Variants in HEATR5B observed in about 807,000 individuals in gnomAD.
HEATR5B encodes the protein HEAT repeat-containing protein 5B.
Under a neutral mutation model 224.1 loss-of-function variants are expected in HEATR5B, and 156 were observed. The ratio of observed to expected loss-of-function variants is 0.70; its 90% confidence interval spans 0.61 to 0.80. HEATR5B has a LOEUF of 0.80. Among genes scored for constraint, HEATR5B ranks in the 30% least tolerant of loss-of-function variants. The pLI is 0.00. For synonymous variants in HEATR5B, 1,027 were observed against 893.0 expected (o/e 1.15, Z -2.68); for missense variants, 2,323 against 2,535.5 (o/e 0.92, Z 1.80).
intron 2 of HEATR5B, among the ~76,000 whole-genome samples, chr2:37,081,544 A>T (rs74427999): frequency 1.3e-5 from 2 of 152,124 alleles, no homozygotes; most frequent in Non-Finnish European, 2.9e-5. Flanking sequence ...CCCCTAAGAG[A>T]TCACGGTTTT....
chr2:37,055,782 AT>A (rs1294883999), intron 16 of HEATR5B, among the ~76,000 whole-genome samples: 1 of 152,218 alleles, frequency 6.6e-6, no homozygotes, highest in Non-Finnish European at 1.5e-5. Context: ...CTTTTAAGGC[AT>A]TTTAATTTTG....
At chr2:36,983,454 G>A (rs1399467173) in intron 35 of HEATR5B, among the ~76,000 whole-genome samples, 13 of 151,812 alleles carry the variant, frequency 8.6e-5, no homozygotes, top group Admixed American at 2.0e-4. Flanking sequence ...CAGGAGAATC[G>A]CTTGAATCTG....
At position 37,003,645 on chromosome 2, in the gene HEATR5B, T is replaced by G. The variant is rs138513431; in HGVS notation, c.4947A>C (p.Leu1649=). The stretch of plus-strand genomic sequence containing the variant: ...GGACAGATGATGGATTCCAGGTCAA[T>G]AGAAGGCGGTGCAAAACACTCAGCA... ...VELLSVLHRL[L]LTWNPSSVQL... is the part of the protein sequence containing the mutation. The change falls in exon 31 of 36, where the codon CTA becomes CTC. Residue 1649 remains leucine, a synonymous_variant. Transcript: ENST00000233099. The G allele has an allele frequency of 6.2e-7, 1 of 1,612,346 alleles. No homozygotes were observed. The highest frequency in any genetic ancestry group is 8.5e-7 in the Non-Finnish European group (1 of 1,178,960).
At chr2:37,054,383 G>A (rs1375045288) in intron 16 of HEATR5B, among the ~76,000 whole-genome samples, 3 of 150,558 alleles carry the variant, frequency 2.0e-5, no homozygotes, top group African/African-American at 7.3e-5. Flanking sequence ...GTTTCTCCAT[G>A]TTGGTCAGGC....
intron 4 of HEATR5B, 67 bp from the exon 5 acceptor site, chr2:37,075,701 A>C (rs1672186344): frequency 2.3e-5 from 29 of 1,286,640 alleles, no homozygotes; most frequent in Non-Finnish European, 2.9e-5. Flanking sequence ...GAACACACCA[A>C]GACAAAAGTT....
intron 33 of HEATR5B, among the ~76,000 whole-genome samples, chr2:36,995,338 T>A (rs2148350681): frequency 6.6e-6 from 1 of 152,008 alleles, no homozygotes; most frequent in African/African-American, 2.4e-5. Flanking sequence ...ATCTGCCCAC[T>A]TTGGCCTCCT....
intron 35 of HEATR5B, among the ~76,000 whole-genome samples, chr2:36,984,215 A>AAAAAAAAAAAAAAAAAAAAT: frequency 1.4e-4 from 11 of 77,636 alleles, no homozygotes; most frequent in African/African-American, 6.5e-4. Flanking sequence ...AAAAAAAAAA[A>AAAAAAAAAAAAAAAAAAAAT]ATATATATAT....
chr2:37,053,903 G>A lies in HEATR5B; in HGVS notation c.2400-296C>T, dbSNP rs573840567. ...ACAAAGCGCCTGGCATCTAGTAGACGCTCAAGGTTTCTTGCAAAGATAACA... is the reference window on the plus strand; with the variant it reads ...ACAAAGCGCCTGGCATCTAGTAGACACTCAAGGTTTCTTGCAAAGATAACA... On this transcript the variant is annotated intron_variant, in intron 16 of 35. Coordinates refer to ENST00000233099, the MANE Select transcript of HEATR5B (RefSeq NM_019024.3). Among the ~76,000 whole-genome samples, 148 of 151,548 alleles carry A rather than the reference G, an allele frequency of 9.8e-4. No homozygotes were observed. The Middle Eastern group carries it at 0.01, about 11-fold the overall frequency.
intron 12 of HEATR5B, among the ~76,000 whole-genome samples, chr2:37,060,014 G>A (rs747933479): frequency 2.2e-4 from 34 of 152,010 alleles, no homozygotes; most frequent in Non-Finnish European, 4.0e-4. Context: ...AAAAGAACTG[G>A]TACATCCAAT....
chr2:37,084,090 C>T (rs1390263760), intron 1 of HEATR5B, among the ~76,000 whole-genome samples, 179 bp downstream of exon 1: 1 of 152,182 alleles, frequency 6.6e-6, no homozygotes, highest in Non-Finnish European at 1.5e-5. Flanking sequence ...AAGAGGCCGC[C>T]GCAAGCCTCC....
intron 14 of HEATR5B, among the ~76,000 whole-genome samples, 199 bp downstream of exon 14, chr2:37,058,252 A>T (rs1671035932): frequency 6.6e-6 from 1 of 152,312 alleles, no homozygotes; most frequent in South Asian, 2.1e-4. Flanking sequence ...ACAGTCAAAA[A>T]GCTAATACAA....
intron 24 of HEATR5B, among the ~76,000 whole-genome samples, chr2:37,021,805 T>C (rs1403109176): frequency 6.6e-6 from 1 of 151,390 alleles, no homozygotes; most frequent in African/African-American, 2.4e-5. Context: ...GAGGATCCTT[T>C]GAACCTGGGA....
chr2:37,008,547 T>G (rs1333118611), intron 28 of HEATR5B, 64 bp downstream of exon 28: 1 of 1,096,824 alleles, frequency 9.1e-7, no homozygotes, highest in Admixed American at 1.7e-5. Flanking sequence ...GTCTATACCG[T>G]CTCTATTTTG....
At chr2:37,071,294 G>T (rs548735145) in intron 6 of HEATR5B, among the ~76,000 whole-genome samples, 19 of 152,240 alleles carry the variant, frequency 1.2e-4, no homozygotes, top group African/African-American at 4.3e-4. Context: ...ATACAGAGGT[G>T]GGGTAGAGGT....
intron 21 of HEATR5B, among the ~76,000 whole-genome samples, chr2:37,036,086 C>G (rs1352772169): frequency 6.6e-6 from 1 of 152,188 alleles, no homozygotes; most frequent in Non-Finnish European, 1.5e-5. Context: ...TAGAGCAAAT[C>G]ACTACCATCT....
At chr2:37,017,177 G>A (rs1192625789) in intron 26 of HEATR5B, among the ~76,000 whole-genome samples, 2 of 152,272 alleles carry the variant, frequency 1.3e-5, no homozygotes, top group East Asian at 3.9e-4. Flanking sequence ...CTGAGGTCAG[G>A]CATTCAAGAC....
intron 17 of HEATR5B, among the ~76,000 whole-genome samples, chr2:37,051,247 T>C (rs1292175779): frequency 6.9e-6 from 1 of 144,406 alleles, no homozygotes; most frequent in African/African-American, 2.6e-5. Flanking sequence ...TCTCAGCTAC[T>C]CGGGAGGCTG....
intron 22 of HEATR5B, among the ~76,000 whole-genome samples, chr2:37,029,993 G>A (rs1245100855): frequency 6.6e-6 from 1 of 150,598 alleles, no homozygotes; most frequent in African/African-American, 2.4e-5. Flanking sequence ...AAAATCCAAA[G>A]AGTAACAACA....
rs945600966 is a variant in HEATR5B, at chr2:37,050,328, C to G, written c.2506-485G>C. On this transcript the variant is annotated intron_variant, in intron 17 of 35. Transcript: ENST00000233099. ...GTAACTGTTCAATTCACGGTAATTA[C>G]TTTCCTAAATACGATTTCAGAACGT... 2.6e-5 allele frequency among the ~76,000 whole-genome samples: 4 copies of G among 152,190 alleles called. No individual in the cohort carries two copies. The East Asian group carries it at 7.7e-4, about 29-fold the overall frequency.
Sources: gnomAD v4.1 joint callset for allele counts (sites outside exome capture counted in the v4.1 genomes callset) on GRCh38, gnomAD v4.1.1 for gene constraint, MANE v1.5 for transcripts, NCBI Gene and HGNC (gene_info 2026-07-23, HGNC 2026-07-21) for gene names.